Variants in TRAPPC12 observed in about 807,000 individuals in gnomAD.
TRAPPC12 encodes the protein trafficking protein particle complex subunit 12.
A neutral mutation model predicts 69.2 loss-of-function variants in TRAPPC12; 61 were observed. That is an observed-to-expected ratio of 0.88 (90% CI 0.72 to 1.09). The LOEUF is 1.09. Among genes scored for constraint, TRAPPC12 ranks in the 50% least tolerant of loss-of-function variants. The probability of loss-of-function intolerance (pLI) is 0.00; values close to 1 mark genes in which losing one functional copy is unlikely to be tolerated. For synonymous variants in TRAPPC12, 469 were observed against 438.9 expected (o/e 1.07, Z -0.86); for missense variants, 1,101 against 1,016.4 (o/e 1.08, Z -1.13).
chr2:3,473,299 GGGTA>G (rs1218004760), intron 9 of TRAPPC12, among the ~76,000 whole-genome samples: 1 of 152,210 alleles, frequency 6.6e-6, no homozygotes, highest in Non-Finnish European at 1.5e-5. Flanking sequence ...AGAGAAGCTA[GGGTA>G]CTCTGAAATA....
chr2:3,384,251 A>T (rs1424224798), intron 1 of TRAPPC12, among the ~76,000 whole-genome samples: 2 of 152,200 alleles, frequency 1.3e-5, no homozygotes, highest in African/African-American at 2.4e-5. Context: ...AAATAATCAT[A>T]CACGAAGAAT....
Position 3,477,921 on chromosome 2 carries a change from C to T in TRAPPC12, c.1877+126C>T, listed in dbSNP as rs527789430. The T allele has an allele frequency of 7.0e-6, 4 of 568,606 alleles. No homozygotes were observed. The Admixed American group carries it at 1.4e-4, about 19-fold the overall frequency. The allele number at this position is 568,606 out of a possible 1,614,324, so 35.2% of individuals were successfully genotyped here. A position where few individuals can be genotyped will look rare whatever the true frequency, so the allele number is the denominator to read the frequency against. ...CTGTATCTCCTCTTGCCCTGTGTCT[C>T]TCAGAGCGGAGACCCAAGGAGTATA... On this transcript the variant is annotated intron_variant, in intron 10 of 11. Transcript: ENST00000324266.
intron 5 of TRAPPC12, among the ~76,000 whole-genome samples, chr2:3,426,757 T>C (rs1284843410): frequency 6.6e-6 from 1 of 152,220 alleles, no homozygotes; most frequent in African/African-American, 2.4e-5. Context: ...AGCAGGGCTT[T>C]ATCCATCCTC....
At chr2:3,388,911 A>G (rs1326877805) in intron 2 of TRAPPC12, 2 of 441,362 alleles carry the variant, frequency 4.5e-6, no homozygotes, top group East Asian at 3.6e-5. Context: ...CAAGGCAGAC[A>G]GTTCTACCGT....
intron 3 of TRAPPC12, among the ~76,000 whole-genome samples, chr2:3,407,671 G>C (rs954276735): frequency 9.2e-5 from 14 of 151,824 alleles, no homozygotes; most frequent in African/African-American, 3.1e-4. Context: ...GCGTGGTGGC[G>C]GGTGCCTGTA....
At chr2:3,453,384 G>C (rs774035584) in intron 6 of TRAPPC12, among the ~76,000 whole-genome samples, 6 of 152,180 alleles carry the variant, frequency 3.9e-5, no homozygotes, top group Non-Finnish European at 8.8e-5. Flanking sequence ...GGCCCTTTCT[G>C]CCCCTCGGCC....
intron 3 of TRAPPC12, among the ~76,000 whole-genome samples, chr2:3,406,964 A>C (rs979013436): frequency 6.6e-6 from 1 of 152,254 alleles, no homozygotes; most frequent in Non-Finnish European, 1.5e-5. Flanking sequence ...AAGGGAGCTT[A>C]CGTAAGGTGA....
At chr2:3,458,609 C>G (rs919473192) in intron 7 of TRAPPC12, 1 of 251,424 alleles carries the variant, frequency 4.0e-6, no homozygotes, top group Non-Finnish European at 6.3e-6. Flanking sequence ...TGTGCACTCT[C>G]TTTTCAGTAA....
intron 1 of TRAPPC12, among the ~76,000 whole-genome samples, chr2:3,380,253 C>T (rs1660145788): frequency 6.6e-6 from 1 of 152,054 alleles, no homozygotes; most frequent in South Asian, 2.1e-4. Flanking sequence ...CAGCAAGCCC[C>T]TTAACTTCCC....
At position 3,443,800 on chromosome 2, in the gene TRAPPC12, T is replaced by C. The variant is rs1235232194; in HGVS notation, c.1439T>C (p.Met480Thr). The C allele has an allele frequency of 1.9e-6, 3 of 1,614,122 alleles. No homozygotes were observed. The highest frequency in any genetic ancestry group is 3.3e-5 in the Admixed American group (2 of 60,026). Residue 480 changes from methionine to threonine, a missense_variant, in exon 6 of 12, where the codon ATG (methionine) becomes ACG (threonine). Transcript: ENST00000324266. The part of the protein sequence containing the change: ...GRRGSMVPFS[M>T]RILHAELQQY... ...CCAGGCTCCATGGTCCCCTTCTCGATGCGCATCTTGCACGCGGAGCTTCAG... is the reference window on the plus strand; with the variant it reads ...CCAGGCTCCATGGTCCCCTTCTCGACGCGCATCTTGCACGCGGAGCTTCAG...
intron 5 of TRAPPC12, among the ~76,000 whole-genome samples, chr2:3,430,420 G>T (rs890136939): frequency 6.6e-6 from 1 of 152,172 alleles, no homozygotes; most frequent in African/African-American, 2.4e-5. Context: ...TGTCGCAACT[G>T]ACGTCTTTCT....
At chr2:3,471,072 G>A (rs73133058) in intron 9 of TRAPPC12, among the ~76,000 whole-genome samples, 7,969 of 152,228 alleles carry the variant, frequency 0.052, 687 homozygotes, top group African/African-American at 0.18. Context: ...ACAGTTGCCC[G>A]GTCACACGAG....
chr2:3,464,332 G>A (rs1225863824), intron 8 of TRAPPC12, among the ~76,000 whole-genome samples: 1 of 152,150 alleles, frequency 6.6e-6, no homozygotes. Flanking sequence ...TTAATGAGCT[G>A]TACTCGAAGG....
In TRAPPC12 at chr2:3,434,172, C is replaced by T. The variant is rs1049425084; in HGVS notation, c.1417+9509C>T. On this transcript the variant is annotated intron_variant, in intron 5 of 11. Coordinates refer to ENST00000324266, the MANE Select transcript of TRAPPC12 (RefSeq NM_016030.6). ...GAGGGGAGTAGTTTCCTTGAGGACACGGACCTCGTGGCTGTCATTGTGTGC... is the reference window on the plus strand; with the variant it reads ...GAGGGGAGTAGTTTCCTTGAGGACATGGACCTCGTGGCTGTCATTGTGTGC... Among the ~76,000 whole-genome samples the T allele has an allele frequency of 3.9e-5, 6 of 152,222 alleles. No homozygotes were observed. In the East Asian group the frequency reaches 7.7e-4, roughly 20 times the overall value.
At chr2:3,436,750 ACCCCT>A (rs2103083978) in intron 5 of TRAPPC12, among the ~76,000 whole-genome samples, 1 of 98,768 alleles carries the variant, frequency 1.0e-5, no homozygotes. Context: ...TACCCCCATC[ACCCCT>A]GGATTAATCT....
chr2:3,465,841 G>C, intron 9 of TRAPPC12, 146 bp downstream of exon 9: 1 of 662,744 alleles, frequency 1.5e-6, no homozygotes, highest in Non-Finnish European at 2.6e-6. Context: ...TGAAAAGGGT[G>C]GGTTCTTTCC....
chr2:3,458,531 G>A, intron 7 of TRAPPC12: 1 of 863,638 alleles, frequency 1.2e-6, no homozygotes, highest in Non-Finnish European at 1.4e-6. Flanking sequence ...TATGTGTGTG[G>A]TGTGTGGATG....
chr2:3,458,502 T>G (rs150792275), intron 7 of TRAPPC12: 1 of 963,262 alleles, frequency 1.0e-6, no homozygotes, highest in African/African-American at 1.8e-5. Flanking sequence ...TGGTGTGAGC[T>G]GAACGTGTGT....
At chr2:3,410,469 G>C (rs1285526742) in intron 3 of TRAPPC12, among the ~76,000 whole-genome samples, 4 of 152,030 alleles carry the variant, frequency 2.6e-5, no homozygotes, top group African/African-American at 9.7e-5. Flanking sequence ...AAAGCTGAAG[G>C]CTTTTTATAT....
Sources: gnomAD v4.1 joint callset for allele counts (sites outside exome capture counted in the v4.1 genomes callset) on GRCh38, gnomAD v4.1.1 for gene constraint, MANE v1.5 for transcripts, NCBI Gene and HGNC (gene_info 2026-07-23, HGNC 2026-07-21) for gene names.